Variants in PTPRD observed in about 807,000 individuals in gnomAD.
The protein encoded by PTPRD is protein tyrosine phosphatase receptor type D, also known as receptor-type tyrosine-protein phosphatase delta.
Under a neutral mutation model 214.5 loss-of-function variants are expected in PTPRD, and 34 were observed. That is an observed-to-expected ratio of 0.16 (90% confidence interval 0.12 to 0.21). PTPRD has a LOEUF of 0.21. PTPRD is among the 10% of genes least tolerant of loss of function. PTPRD has a pLI of 1.00. For missense variants in PTPRD, 2,545 were observed against 2,398.7 expected (o/e 1.06, Z -1.27); for synonymous variants, 1,128 against 845.7 (o/e 1.33, Z -5.79).
At chr9:8,871,564 T>A (rs2098299251) in intron 11 of PTPRD, among the ~76,000 whole-genome samples, 1 of 152,142 alleles carries the variant, frequency 6.6e-6, no homozygotes, top group Non-Finnish European at 1.5e-5. Context: ...AAGTTCTTGA[T>A]CTTATCCAGT....
intron 7 of PTPRD, among the ~76,000 whole-genome samples, chr9:9,642,475 T>C (rs148301932): frequency 1.0e-3 from 157 of 152,326 alleles, no homozygotes; most frequent in Middle Eastern, 6.8e-3. Context: ...CCTAGACATA[T>C]AGCTTAGAAG....
intron 7 of PTPRD, among the ~76,000 whole-genome samples, chr9:9,662,806 T>C (rs1053870280): frequency 6.6e-6 from 1 of 151,602 alleles, no homozygotes; most frequent in Non-Finnish European, 1.5e-5. Flanking sequence ...TGTATCTTAG[T>C]GTCTTTCACA....
intron 6 of PTPRD, among the ~76,000 whole-genome samples, chr9:9,760,385 TA>T (rs1336909914): frequency 2.6e-5 from 4 of 152,058 alleles, no homozygotes; most frequent in East Asian, 1.9e-4. Flanking sequence ...TTTTTGAGGG[TA>T]AAACATTATT....
chr9:9,822,827 G>T lies in PTPRD; in HGVS notation c.-367-55976C>A, dbSNP rs545153223. Among the ~76,000 whole-genome samples, 4 of 152,164 alleles carry T rather than the reference G, an allele frequency of 2.6e-5. No individual in the cohort carries two copies. The East Asian group carries it at 7.7e-4, about 29-fold the overall frequency. On this transcript the variant is annotated intron_variant, in intron 5 of 45. Coordinates refer to ENST00000381196, the MANE Select transcript of PTPRD (RefSeq NM_002839.4). The stretch of plus-strand genomic sequence containing the variant: ...CAGCGAAATAATAATAGATGCTGGT[G>T]AGGATGTGGAGAAAAGGGAATGCTC...
intron 3 of PTPRD, among the ~76,000 whole-genome samples, chr9:10,126,454 C>T (rs1216575898): frequency 6.8e-6 from 1 of 147,908 alleles, no homozygotes; most frequent in African/African-American, 2.4e-5. Context: ...CACACACACA[C>T]ACACACACAT....
chr9:9,644,556 A>T (rs1473825955), intron 7 of PTPRD, among the ~76,000 whole-genome samples: 2 of 152,202 alleles, frequency 1.3e-5, no homozygotes, highest in Non-Finnish European at 2.9e-5. Context: ...CTTTGAGAAA[A>T]CCTGAATTTG....
At chr9:8,558,828 G>C (rs1163446075) in intron 14 of PTPRD, among the ~76,000 whole-genome samples, 1 of 152,048 alleles carries the variant, frequency 6.6e-6, no homozygotes, top group African/African-American at 2.4e-5. Context: ...ATGGCGAACT[G>C]AAATAAAATG....
At chr9:9,289,968 A>G (rs1377887159) in intron 9 of PTPRD, among the ~76,000 whole-genome samples, 2 of 151,926 alleles carry the variant, frequency 1.3e-5, no homozygotes, top group East Asian at 3.9e-4. Context: ...CTTTGGATAT[A>G]TACCCAGAAA....
chr9:8,486,582 T>C (rs893497082), intron 27 of PTPRD: 11 of 665,284 alleles, frequency 1.7e-5, no homozygotes, highest in Non-Finnish European at 2.5e-5. Context: ...ACAGAAATTA[T>C]CATTGAAACA....
intron 14 of PTPRD, among the ~76,000 whole-genome samples, chr9:8,538,503 G>A (rs1016612517): frequency 6.6e-6 from 1 of 151,316 alleles, no homozygotes; most frequent in Non-Finnish European, 1.5e-5. Flanking sequence ...AAGTATATAT[G>A]AATAAATTTT....
At chr9:9,486,729 C>A (rs985120668) in intron 8 of PTPRD, among the ~76,000 whole-genome samples, 1 of 152,112 alleles carries the variant, frequency 6.6e-6, no homozygotes, top group Non-Finnish European at 1.5e-5. Flanking sequence ...TGCTTCTTCC[C>A]AAAGACGTTC....
chr9:9,993,157 G>T (rs1269168754), intron 4 of PTPRD, among the ~76,000 whole-genome samples: 1 of 152,048 alleles, frequency 6.6e-6, no homozygotes, highest in Non-Finnish European at 1.5e-5. Flanking sequence ...GCAAAGATGT[G>T]GAGTAACTGG....
intron 9 of PTPRD, among the ~76,000 whole-genome samples, chr9:9,194,804 C>G (rs938073269): frequency 2.0e-5 from 3 of 151,886 alleles, no homozygotes; most frequent in Non-Finnish European, 4.4e-5. Flanking sequence ...TTGCTTATTA[C>G]TAAAAGGGGA....
intron 11 of PTPRD, among the ~76,000 whole-genome samples, chr9:8,988,394 G>A (rs563264397): frequency 6.6e-6 from 1 of 151,970 alleles, no homozygotes; most frequent in Admixed American, 6.6e-5. Context: ...CATCTATTAG[G>A]GCTATTTTTC....
chr9:10,598,876 T>C (rs2077287610), intron 2 of PTPRD, among the ~76,000 whole-genome samples: 1 of 151,504 alleles, frequency 6.6e-6, no homozygotes, highest in Non-Finnish European at 1.5e-5. Context: ...TGTATGACAC[T>C]ACCAATTTTT....
intron 5 of PTPRD, among the ~76,000 whole-genome samples, chr9:9,924,081 C>G (rs1209764121): frequency 1.3e-5 from 2 of 151,688 alleles, no homozygotes; most frequent in Admixed American, 6.6e-5. Flanking sequence ...AAATGTAAAC[C>G]TAGAGAATAA....
chr9:9,198,763 G>A (rs898009654), intron 9 of PTPRD, among the ~76,000 whole-genome samples: 1 of 152,176 alleles, frequency 6.6e-6, no homozygotes, highest in Admixed American at 6.5e-5. Context: ...CATAATCAGT[G>A]TCTTACCTTA....
intron 5 of PTPRD, among the ~76,000 whole-genome samples, chr9:9,919,373 C>T (rs778129299): frequency 9.9e-4 from 151 of 152,028 alleles, no homozygotes; most frequent in Non-Finnish European, 1.8e-3. Context: ...GAATCAAAGT[C>T]CCCCCACAGG....
intron 5 of PTPRD, among the ~76,000 whole-genome samples, chr9:9,801,693 C>T (rs531514886): frequency 1.3e-5 from 2 of 151,962 alleles, no homozygotes; most frequent in African/African-American, 2.4e-5. Flanking sequence ...AATAATTTCA[C>T]TGTTGGAAAT....
Sources: gnomAD v4.1 joint callset for allele counts (sites outside exome capture counted in the v4.1 genomes callset) on GRCh38, gnomAD v4.1.1 for gene constraint, MANE v1.5 for transcripts, NCBI Gene and HGNC (gene_info 2026-07-23, HGNC 2026-07-21) for gene names.